Variants in RANBP2 observed in about 807,000 individuals in gnomAD.
RANBP2 encodes RAN binding protein 2.
A neutral mutation model predicts 303.6 loss-of-function variants in RANBP2; 57 were observed. That is an observed-to-expected ratio of 0.19 (90% CI 0.15 to 0.23). The LOEUF is 0.23. RANBP2 is among the 10% of genes least tolerant of loss of function. The probability of loss-of-function intolerance (pLI) is 1.00; values close to 1 mark genes in which losing one functional copy is unlikely to be tolerated. For missense variants in RANBP2, 3,138 were observed against 3,780.8 expected (o/e 0.83, Z 4.46); for synonymous variants, 1,167 against 1,301.5 (o/e 0.90, Z 2.23).
chr2:109,478,345 A>G, the RANBP2 span, among the ~76,000 whole-genome samples: 4 of 152,174 alleles, frequency 2.6e-5, no homozygotes, highest in Non-Finnish European at 5.9e-5. Flanking sequence ...CCTTTGAGTA[A>G]AATCCTTCTC....
the RANBP2 span, among the ~76,000 whole-genome samples, chr2:109,674,537 T>A: frequency 2.6e-5 from 4 of 151,910 alleles, no homozygotes; most frequent in Admixed American, 2.6e-4. Flanking sequence ...GAGCTATGAT[T>A]GCACTGCTGC....
the RANBP2 span, among the ~76,000 whole-genome samples, chr2:108,909,108 T>C: frequency 6.6e-6 from 1 of 152,344 alleles, no homozygotes; most frequent in South Asian, 2.1e-4. Context: ...TCAATTTGTA[T>C]TTAATATTCG....
chr2:109,731,024 G>A, the RANBP2 span, among the ~76,000 whole-genome samples: 4 of 152,056 alleles, frequency 2.6e-5, no homozygotes, highest in African/African-American at 9.7e-5. Flanking sequence ...CCAATGTCAG[G>A]TGATCTGTCC....
chr2:109,402,181 G>T, the RANBP2 span, among the ~76,000 whole-genome samples: 94 of 152,374 alleles, frequency 6.2e-4, no homozygotes, highest in Non-Finnish European at 1.1e-3. Flanking sequence ...GTCTGCCCCT[G>T]CTCTGCACTG....
At position 108,748,909 on chromosome 2, in the gene RANBP2, T is replaced by A. The variant is rs1558898245; in HGVS notation, c.1064-11T>A. 2 of 1,611,822 alleles carry A rather than the reference T, an allele frequency of 1.2e-6. No individual in the cohort carries two copies. ...TTAAAGTGATGGAAATAACTTAAAT[T>A]TTTTTTTCAGGGCACATGTTGCTAA... On this transcript the variant is annotated splice_polypyrimidine_tract_variant and intron_variant, in intron 8 of 28. Coordinates refer to ENST00000283195, the MANE Select transcript of RANBP2 (RefSeq NM_006267.5).
the RANBP2 span, among the ~76,000 whole-genome samples, chr2:109,513,469 C>CCACATGTACACA: frequency 2.7e-4 from 12 of 44,472 alleles, no homozygotes; most frequent in South Asian, 8.3e-4. Flanking sequence ...TATAGACACT[C>CCACATGTACACA]CACATGTACA....
At chr2:108,923,499 G>A in the RANBP2 span, 8 of 1,577,692 alleles carry the variant, frequency 5.1e-6, no homozygotes, top group South Asian at 1.1e-5. Context: ...GAGCTGGACA[G>A]CACACAGGCA....
At chr2:109,732,700 C>G in the RANBP2 span, 3 of 590,830 alleles carry the variant, frequency 5.1e-6, no homozygotes, top group South Asian at 4.1e-5. Flanking sequence ...GAACTCCTGA[C>G]CTCGTGATCC....
chr2:109,237,050 C>T, the RANBP2 span, among the ~76,000 whole-genome samples: 1 of 152,138 alleles, frequency 6.6e-6, no homozygotes, highest in African/African-American at 2.4e-5. Context: ...AAAGCAGTGA[C>T]ATCATCTCAC....
chr2:109,281,649 A>G, the RANBP2 span, among the ~76,000 whole-genome samples: 2 of 152,188 alleles, frequency 1.3e-5, no homozygotes, highest in African/African-American at 2.4e-5. Flanking sequence ...ATAAGTGTTT[A>G]GAGTGAGCAG....
intron 1 of RANBP2, among the ~76,000 whole-genome samples, chr2:108,726,164 G>T: frequency 6.6e-6 from 1 of 152,108 alleles, no homozygotes; most frequent in Non-Finnish European, 1.5e-5. Context: ...TGAATAACAT[G>T]GTAAAAATCT....
At chr2:109,545,234 T>A in the RANBP2 span, 1 of 985,418 alleles carries the variant, frequency 1.0e-6, no homozygotes, top group Non-Finnish European at 1.2e-6. Context: ...GAACAAGGCA[T>A]GATGAATTTC....
At chr2:109,152,690 C>T in the RANBP2 span, among the ~76,000 whole-genome samples, 21,460 of 152,150 alleles carry the variant, frequency 0.14, 1,674 homozygotes, top group Middle Eastern at 0.21. Context: ...ACTGCTGAAC[C>T]CAGCTCATCA....
At chr2:108,879,740 C>T in the RANBP2 span, among the ~76,000 whole-genome samples, 6 of 151,876 alleles carry the variant, frequency 4.0e-5, no homozygotes, top group East Asian at 1.9e-4. Context: ...GTGACTAAGC[C>T]GCTATCATTG....
the RANBP2 span, among the ~76,000 whole-genome samples, chr2:109,354,577 T>A: frequency 6.6e-6 from 1 of 152,228 alleles, no homozygotes; most frequent in East Asian, 1.9e-4. Context: ...AGGTTTTCAG[T>A]GATCGTGGCA....
the RANBP2 span, among the ~76,000 whole-genome samples, chr2:109,321,479 T>A: frequency 6.6e-6 from 1 of 152,282 alleles, no homozygotes; most frequent in Non-Finnish European, 1.5e-5. Flanking sequence ...TAGATTATGC[T>A]TTGTTTCCAT....
chr2:109,062,562 G>A, the RANBP2 span, among the ~76,000 whole-genome samples: 1 of 152,132 alleles, frequency 6.6e-6, no homozygotes, highest in Non-Finnish European at 1.5e-5. Context: ...ACCCAGGAAA[G>A]TCCCCTGATG....
At chr2:108,912,527 G>A in the RANBP2 span, 1 of 757,774 alleles carries the variant, frequency 1.3e-6, no homozygotes, top group Non-Finnish European at 2.3e-6. Flanking sequence ...CCTGCACGGG[G>A]GGCAACATGT....
chr2:108,753,760 G>A (rs1273050607), intron 14 of RANBP2, 65 bp from the exon 15 acceptor site: 12 of 1,611,044 alleles, frequency 7.4e-6, no homozygotes, highest in Admixed American at 1.7e-5. Context: ...GCCACCATGC[G>A]TGGCCAAGCT....
Sources: allele counts gnomAD v4.1 joint callset (sites outside exome capture counted in the v4.1 genomes callset), GRCh38; gene constraint gnomAD v4.1.1; transcripts MANE v1.5; gene names NCBI Gene and HGNC (gene_info 2026-07-23, HGNC 2026-07-21).